The following DIP2A variants were observed in gnomAD, a reference collection of about 807,000 sequenced individuals.
DIP2A encodes the protein DIP2 acetate--CoA ligase A, also known as disco-interacting protein 2 homolog A.
In DIP2A, 85 loss-of-function variants were observed where a neutral mutation model predicts 177.4. The observed-to-expected ratio is 0.48, with a 90% CI of 0.40 to 0.57. DIP2A has a LOEUF of 0.57. Among genes scored for constraint, DIP2A ranks in the 20% least tolerant of loss-of-function variants. DIP2A has a pLI of 0.00. For synonymous variants in DIP2A, 886 were observed against 881.8 expected (o/e 1.00, Z -0.08); for missense variants, 1,791 against 2,100.2 (o/e 0.85, Z 2.88).
In DIP2A at chr21:46,511,266, G is replaced by A. The variant is rs999704841; in HGVS notation, c.905-151G>A. The A allele has an allele frequency of 2.5e-5, 20 of 808,040 alleles. No homozygotes were observed. In the East Asian group the frequency reaches 2.8e-4, roughly 11 times the overall value. 50.1% of individuals were successfully genotyped at this position (808,040 alleles called of 1,614,324 possible). On this transcript the variant is annotated intron_variant, in intron 7 of 37. Coordinates refer to ENST00000417564, the MANE Select transcript of DIP2A (RefSeq NM_015151.4). ...TCCTTTAATCCTTTGGTTAGTTGTC[G>A]GTGACTGTGATGCAAAAATCGAAAC...
chr21:46,512,336 C>T (rs2058350030), intron 8 of DIP2A, among the ~76,000 whole-genome samples: 1 of 152,112 alleles, frequency 6.6e-6, no homozygotes, highest in Non-Finnish European at 1.5e-5. Flanking sequence ...AATGCAGAAG[C>T]AGAATTGTTC....
At chr21:46,485,172 G>T (rs919576582) in intron 2 of DIP2A, among the ~76,000 whole-genome samples, 2 of 152,166 alleles carry the variant, frequency 1.3e-5, no homozygotes, top group Non-Finnish European at 2.9e-5. Flanking sequence ...CTATTGTAAA[G>T]ATGTCGGTTC....
At chr21:46,505,947 A>C (rs551258704) in intron 6 of DIP2A, among the ~76,000 whole-genome samples, 1 of 152,312 alleles carries the variant, frequency 6.6e-6, no homozygotes, top group African/African-American at 2.4e-5. Flanking sequence ...GATGCACCAC[A>C]ATTTGGCTGT....
In DIP2A at chr21:46,567,789, A is replaced by G; in HGVS notation, c.*167A>G. The G allele has an allele frequency of 1.3e-6, 1 of 758,030 alleles. No individual in the cohort carries two copies. The highest frequency in any genetic ancestry group is 1.9e-6 in the Non-Finnish European group (1 of 518,538). The allele number at this position is 758,030 out of a possible 1,614,324, so 47.0% of individuals were successfully genotyped here. ...CCTTTTAGAAAGCACTTCCTGAATTATTTAAAGAAATATTTTGAATCTGCC... is the reference window on the plus strand; with the variant it reads ...CCTTTTAGAAAGCACTTCCTGAATTGTTTAAAGAAATATTTTGAATCTGCC... On this transcript the variant is annotated 3_prime_UTR_variant, in exon 38 of 38. Transcript: ENST00000417564.
chr21:46,562,878 T>C (rs2060714113), intron 34 of DIP2A, among the ~76,000 whole-genome samples: 1 of 152,186 alleles, frequency 6.6e-6, no homozygotes, highest in South Asian at 2.1e-4. Context: ...TGAGCCGCCA[T>C]CGCACACAGC....
At chr21:46,467,091 T>C (rs1445822254) in intron 1 of DIP2A, among the ~76,000 whole-genome samples, 1 of 149,256 alleles carries the variant, frequency 6.7e-6, no homozygotes, top group East Asian at 2.0e-4. Context: ...GGTCAGGAGG[T>C]CGAGACCATC....
chr21:46,533,463 G>T, intron 10 of DIP2A, 61 bp from the exon 11 acceptor site: 1 of 1,568,770 alleles, frequency 6.4e-7, no homozygotes, highest in East Asian at 2.3e-5. Flanking sequence ...GGAGCACCAA[G>T]GGTCTGGGGC....
intron 21 of DIP2A, 192 bp downstream of exon 21, chr21:46,547,234 A>G: frequency 7.3e-7 from 1 of 1,365,432 alleles, no homozygotes; most frequent in Non-Finnish European, 9.4e-7. Flanking sequence ...CTTACTGTCC[A>G]AAGAGTTCCT....
At chr21:46,493,352 G>A (rs111792161) in intron 3 of DIP2A, among the ~76,000 whole-genome samples, 1 of 123,136 alleles carries the variant, frequency 8.1e-6, no homozygotes, top group Non-Finnish European at 1.9e-5. Flanking sequence ...CAGCAATAAT[G>A]TTTAGGGGAA....
chr21:46,507,097 G>C (rs544773191), intron 6 of DIP2A, among the ~76,000 whole-genome samples: 1 of 151,982 alleles, frequency 6.6e-6, no homozygotes, highest in African/African-American at 2.4e-5. Context: ...TTCTTATTGA[G>C]TTTTGAGGGC....
At chr21:46,459,650 G>A (rs1211270523) in intron 1 of DIP2A, among the ~76,000 whole-genome samples, 3 of 140,660 alleles carry the variant, frequency 2.1e-5, no homozygotes, top group East Asian at 4.5e-4. Context: ...CCTCAGCCCC[G>A]GGACACCCGC....
chr21:46,466,568 G>A lies in DIP2A; in HGVS notation c.91+7346G>A, dbSNP rs559966898. 5.3e-5 allele frequency among the ~76,000 whole-genome samples: 8 copies of A among 151,594 alleles called. No homozygotes were observed. The South Asian group carries it at 1.7e-3, about 32-fold the overall frequency. ...TTCACGTGTTGGTCAGGCTGGTCTC[G>A]AACTCCTGACCTCGTGATCCGCCCG... On this transcript the variant is annotated intron_variant, in intron 1 of 37. Coordinates refer to ENST00000417564, the MANE Select transcript of DIP2A (RefSeq NM_015151.4).
Position 46,511,559 on chromosome 21 carries a change from C to T in DIP2A, c.1047C>T (p.Ser349=). ...GCTGGGGCACAACACAGCCCAAATCCCCCTGTCTGACTGCCTTGGATACAA... is the reference window on the plus strand; with the variant it reads ...GCTGGGGCACAACACAGCCCAAATCTCCCTGTCTGACTGCCTTGGATACAA... ...LQRWGTTQPK[S]PCLTALDTTG... Residue 349 remains serine (S), a synonymous_variant, in exon 8 of 38, where the codon TCC becomes TCT. Transcript: ENST00000417564. The T allele has an allele frequency of 6.3e-6, 10 of 1,593,708 alleles. No individual in the cohort carries two copies. Among genetic ancestry groups the T allele is most frequent in the Non-Finnish European group, 8.5e-6 (10 of 1,170,806 alleles).
Position 46,556,401 on chromosome 21 carries a change from A to T in DIP2A, c.3498+310A>T. Reference sequence around the variant, plus strand: ...GTCAATAGCTCAATTAAAATTTTTCAGGCGGGGCGTGGTGGCTCACGCCTG... The same window carrying T: ...GTCAATAGCTCAATTAAAATTTTTCTGGCGGGGCGTGGTGGCTCACGCCTG... On this transcript the variant is annotated intron_variant, in intron 29 of 37. Coordinates refer to ENST00000417564, the MANE Select transcript of DIP2A (RefSeq NM_015151.4). This position sits in a 1 kb window ranked among gnomAD's most constrained non-coding sequence, Gnocchi z 4.5. 1 of 1,349,046 alleles carries T rather than the reference A, an allele frequency of 7.4e-7. No homozygotes were observed. The highest frequency in any genetic ancestry group is 4.6e-5 in the East Asian group (1 of 21,786). The allele number at this position is 1,349,046 out of a possible 1,614,324, so 83.6% of individuals were successfully genotyped here. A position where few individuals can be genotyped will look rare whatever the true frequency, so the allele number is the denominator to read the frequency against.
At chr21:46,459,708 C>T (rs898152912) in intron 1 of DIP2A, among the ~76,000 whole-genome samples, 1 of 150,346 alleles carries the variant, frequency 6.7e-6, no homozygotes, top group African/African-American at 2.5e-5. Context: ...ATACAAGGAC[C>T]CCTCCCCCAT....
Position 46,563,264 on chromosome 21 carries a change from C to T in DIP2A, c.4090-594C>T, listed in dbSNP as rs1018633676. 2.0e-5 allele frequency among the ~76,000 whole-genome samples: 3 copies of T among 152,164 alleles called. No homozygotes were observed. The highest frequency in any genetic ancestry group is 2.9e-5 in the Non-Finnish European group (2 of 68,026). On this transcript the variant is annotated intron_variant, in intron 34 of 37. Coordinates refer to ENST00000417564, the MANE Select transcript of DIP2A (RefSeq NM_015151.4). The surrounding 1 kb of genome is among the most constrained non-coding windows in gnomAD (Gnocchi z 4.3). ...GCAGTGTCATTGCCCCCATTTCATA[C>T]GTGAGGAAACTGAGGACACAGAACA...
chr21:46,461,271 C>CCAAAAAAAAAAAAAAAAAAA (rs2054278819), intron 1 of DIP2A, among the ~76,000 whole-genome samples: 1 of 49,312 alleles, frequency 2.0e-5, no homozygotes, highest in Admixed American at 3.2e-4. Flanking sequence ...CTCTTCTCAC[C>CCAAAAAAAAAAAAAAAAAAA]AAAAAAAAAA....
intron 1 of DIP2A, among the ~76,000 whole-genome samples, chr21:46,464,844 T>TTTTTTCCC (rs58546395): frequency 4.5e-5 from 5 of 111,216 alleles, no homozygotes; most frequent in Non-Finnish European, 7.0e-5. Flanking sequence ...TTTTTTTTTT[T>TTTTTTCCC]CAAGAAAACA....
intron 8 of DIP2A, among the ~76,000 whole-genome samples, chr21:46,525,428 G>A (rs765931628): frequency 6.6e-6 from 1 of 152,162 alleles, no homozygotes; most frequent in Non-Finnish European, 1.5e-5. Flanking sequence ...TTCTGTGGTG[G>A]CACGTGGGTC....
Sources: gnomAD v4.1 joint callset for allele counts (sites outside exome capture counted in the v4.1 genomes callset) on GRCh38, gnomAD v4.1.1 for gene constraint, Gnocchi (gnomAD v3.1) non-coding constraint, MANE v1.5 for transcripts, NCBI Gene and HGNC (gene_info 2026-07-23, HGNC 2026-07-21) for gene names.